Variants in ADAM2 observed in about 807,000 individuals in gnomAD.
ADAM2 encodes the protein ADAM metallopeptidase domain 2.
A neutral mutation model predicts 99.3 loss-of-function variants in ADAM2; 101 were observed. The observed-to-expected ratio is 1.02, with a 90% confidence interval of 0.87 to 1.20. The LOEUF is 1.20. Ranked by LOEUF, ADAM2 falls within the 50% of genes most tolerant of loss-of-function variation. The pLI is 0.00. For synonymous variants in ADAM2, 323 were observed against 287.6 expected, an observed-to-expected ratio of 1.12 and a Z score of -1.25; for missense variants, 948 against 878.7, an observed-to-expected ratio of 1.08 and a Z score of -1.00.
intron 10 of ADAM2, among the ~76,000 whole-genome samples, chr8:39,777,608 C>G (rs1327650422): frequency 6.6e-6 from 1 of 151,892 alleles, no homozygotes; most frequent in Non-Finnish European, 1.5e-5. Context: ...AGAATAAGGT[C>G]TAGTATTTCT....
Position 39,769,377 on chromosome 8 carries a change from C to A in ADAM2, c.1212+15G>T, listed in dbSNP as rs370272571. 61 of 1,581,970 alleles carry A rather than the reference C, an allele frequency of 3.9e-5. No homozygotes were observed. Among genetic ancestry groups the A allele is most frequent in the Non-Finnish European group, 4.7e-5 (55 of 1,159,270 alleles). ...GCTGCAATTTCAGTGCGTAGTCTTC[C>A]GAATTAGTACCAACCTGTTCAGTCC... On this transcript the variant is annotated intron_variant, in intron 12 of 20. Coordinates refer to ENST00000265708, the MANE Select transcript of ADAM2 (RefSeq NM_001464.5).
chr8:39,802,825 A>G (rs1203096452), intron 7 of ADAM2, among the ~76,000 whole-genome samples: 1 of 152,122 alleles, frequency 6.6e-6, no homozygotes, highest in Non-Finnish European at 1.5e-5. Flanking sequence ...AACTCAGAGA[A>G]AAAAAAATCG....
chr8:39,778,414 T>C (rs925293188), intron 10 of ADAM2, among the ~76,000 whole-genome samples: 6 of 152,056 alleles, frequency 3.9e-5, no homozygotes, highest in Non-Finnish European at 8.8e-5. Flanking sequence ...AAGTGAGGTA[T>C]TTACTACATC....
intron 7 of ADAM2, among the ~76,000 whole-genome samples, chr8:39,808,170 T>C (rs1362335258): frequency 6.8e-6 from 1 of 147,398 alleles, no homozygotes; most frequent in East Asian, 2.0e-4. Flanking sequence ...TGATCCTGTA[T>C]GCAGAAAGTC....
At chr8:39,802,845 G>A (rs993484470) in intron 7 of ADAM2, among the ~76,000 whole-genome samples, 3 of 152,102 alleles carry the variant, frequency 2.0e-5, no homozygotes, top group Admixed American at 6.6e-5. Context: ...GTTTGTTCTA[G>A]CCATCAACTT....
At chr8:39,827,681 T>G (rs1208895460) in intron 3 of ADAM2, among the ~76,000 whole-genome samples, 1 of 152,110 alleles carries the variant, frequency 6.6e-6, no homozygotes, top group Non-Finnish European at 1.5e-5. Context: ...TCTAAAAAAT[T>G]CAAACTCATA....
chr8:39,789,075 A>G (rs944616258), intron 7 of ADAM2, among the ~76,000 whole-genome samples: 1 of 151,600 alleles, frequency 6.6e-6, no homozygotes, highest in Non-Finnish European at 1.5e-5. Context: ...TGTATAGGAG[A>G]CATAGTACAT....
chr8:39,773,800 A>C (rs1008454860), intron 11 of ADAM2, among the ~76,000 whole-genome samples: 3 of 151,970 alleles, frequency 2.0e-5, no homozygotes, highest in African/African-American at 7.2e-5. Flanking sequence ...AAATAGTATC[A>C]ATAGTACAAA....
intron 14 of ADAM2, among the ~76,000 whole-genome samples, chr8:39,764,624 C>G (rs557206069): frequency 1.3e-4 from 20 of 152,156 alleles, no homozygotes; most frequent in Non-Finnish European, 2.1e-4. Flanking sequence ...CACAATAAAG[C>G]TTTCTCTTTT....
Position 39,755,743 on chromosome 8 carries a change from A to C in ADAM2, c.1782T>G (p.Ser594=), listed in dbSNP as rs145143599. The stretch of plus-strand genomic sequence containing the variant: ...GACTACCTACCTTATTTGAACCACA[A>C]GAAGTTCCATCTTTTATCCACATCT... The part of the protein sequence containing the change: ...SQKMWIKDGT[S]CGSNKVCRNQ... Residue 594 remains serine, a synonymous_variant, in exon 16 of 21, where the codon TCT becomes TCG. Transcript: ENST00000265708. 6.2e-7 allele frequency: 1 copy of C among 1,612,504 alleles called. No homozygotes were observed. Among genetic ancestry groups the C allele is most frequent in the East Asian group, 2.2e-5 (1 of 44,826 alleles).
intron 7 of ADAM2, among the ~76,000 whole-genome samples, chr8:39,790,149 C>CTTA (rs1803644983): frequency 6.6e-6 from 1 of 151,854 alleles, no homozygotes; most frequent in Non-Finnish European, 1.5e-5. Flanking sequence ...AAGGAGTTAT[C>CTTA]TTATAATCCA....
intron 14 of ADAM2, among the ~76,000 whole-genome samples, chr8:39,761,874 G>C (rs1802383304): frequency 6.6e-6 from 1 of 152,138 alleles, no homozygotes; most frequent in Non-Finnish European, 1.5e-5. Flanking sequence ...GAGTTAAGGA[G>C]ATCGAGACCA....
intron 4 of ADAM2, among the ~76,000 whole-genome samples, chr8:39,823,608 G>GT (rs1188692879): frequency 6.6e-6 from 1 of 151,780 alleles, no homozygotes; most frequent in Non-Finnish European, 1.5e-5. Context: ...ATGGAAGAAT[G>GT]ATACAAAATA....
chr8:39,817,617 T>C (rs1156339410), intron 6 of ADAM2, among the ~76,000 whole-genome samples: 1 of 152,174 alleles, frequency 6.6e-6, no homozygotes, highest in African/African-American at 2.4e-5. Flanking sequence ...GTGATTATTA[T>C]CTGTCAGTTA....
At chr8:39,791,228 C>A (rs1420485233) in intron 7 of ADAM2, among the ~76,000 whole-genome samples, 2 of 151,938 alleles carry the variant, frequency 1.3e-5, no homozygotes, top group Non-Finnish European at 2.9e-5. Flanking sequence ...TTCTCAGTAA[C>A]CAATCAAAAG....
chr8:39,801,141 T>C (rs1484548867), intron 7 of ADAM2, among the ~76,000 whole-genome samples: 1 of 152,190 alleles, frequency 6.6e-6, no homozygotes, highest in Non-Finnish European at 1.5e-5. Flanking sequence ...TTATTTCTCA[T>C]ATTTGTGAGT....
At chr8:39,807,218 A>C (rs1052292595) in intron 7 of ADAM2, among the ~76,000 whole-genome samples, 1 of 152,206 alleles carries the variant, frequency 6.6e-6, no homozygotes, top group African/African-American at 2.4e-5. Context: ...CTTGGAAACC[A>C]TGGCCCTTTG....
chr8:39,822,213 C>A (rs1417310869), intron 4 of ADAM2, among the ~76,000 whole-genome samples: 2 of 152,066 alleles, frequency 1.3e-5, no homozygotes, highest in East Asian at 3.9e-4. Flanking sequence ...TTGGGGTATA[C>A]TTCATACTTT....
intron 10 of ADAM2, among the ~76,000 whole-genome samples, chr8:39,785,003 G>T (rs527378255): frequency 3.9e-4 from 59 of 152,228 alleles, no homozygotes; most frequent in African/African-American, 1.3e-3. Context: ...TCTGTAGGTT[G>T]TCTGTTTACT....
Sources: allele counts gnomAD v4.1 joint callset (sites outside exome capture counted in the v4.1 genomes callset), GRCh38; gene constraint gnomAD v4.1.1; transcripts MANE v1.5; gene names NCBI Gene and HGNC (gene_info 2026-07-23, HGNC 2026-07-21).